Variants in STXBP2 observed in about 807,000 individuals in gnomAD.
STXBP2 encodes syntaxin binding protein 2.
A neutral mutation model predicts 72.2 loss-of-function variants in STXBP2; 47 were observed. The observed-to-expected ratio is 0.65, with a 90% CI of 0.51 to 0.83. STXBP2 has a LOEUF of 0.83. Among genes scored for constraint, STXBP2 ranks in the 40% least tolerant of loss-of-function variants. The probability of loss-of-function intolerance (pLI) is 0.00; values close to 1 mark genes in which losing one functional copy is unlikely to be tolerated. For synonymous variants in STXBP2, 367 were observed against 338.7 expected (o/e 1.08, Z -0.92); for missense variants, 702 against 807.6 (o/e 0.87, Z 1.58).
At chr19:7,647,003 G>A in intron 16 of STXBP2, 159 bp from the exon 17 acceptor site, 2 of 671,582 alleles carry the variant, frequency 3.0e-6, no homozygotes, top group South Asian at 1.8e-5. Context: ...GGTCCCCAAT[G>A]GACTAGAGGC....
At chr19:7,632,997 C>G (rs901977333), upstream of STXBP2, 14 of 1,423,924 alleles carry the variant, frequency 9.8e-6, no homozygotes, top group African/African-American at 1.5e-5. The surrounding 1 kb of genome is among the most constrained non-coding windows in gnomAD (Gnocchi z 5.2). Flanking sequence ...CTGAATGAGA[C>G]ATGAGTCTCC....
intron 4 of STXBP2, chr19:7,640,463 C>T (rs1488471260): frequency 4.8e-6 from 3 of 626,584 alleles, no homozygotes; most frequent in South Asian, 4.7e-5. Flanking sequence ...TATGTGTGTG[C>T]ATCTCTGTGT....
chr19:7,641,645 AGC>A (rs2031879651), intron 6 of STXBP2, 58 bp from the exon 7 acceptor site: 2 of 1,548,100 alleles, frequency 1.3e-6, no homozygotes, highest in Non-Finnish European at 1.7e-6. Flanking sequence ...GGCAGCGGGA[AGC>A]GGGGCAGGTG....
chr19:7,646,675 G>T, intron 16 of STXBP2: 1 of 444,792 alleles, frequency 2.2e-6, no homozygotes, highest in Non-Finnish European at 4.1e-6. Context: ...CCATCCAATG[G>T]CAATGGGCCT....
chr19:7,633,382 T>C, upstream of STXBP2: 3 of 1,550,144 alleles, frequency 1.9e-6, no homozygotes, highest in Non-Finnish European at 2.6e-6. Flanking sequence ...GAGCTGGGGG[T>C]GGGGTGGGGG....
intron 16 of STXBP2, 193 bp from the exon 17 acceptor site, chr19:7,646,969 G>C (rs1481453097): frequency 1.6e-6 from 1 of 612,644 alleles, no homozygotes; most frequent in African/African-American, 1.8e-5. Flanking sequence ...TGGGTCCCCA[G>C]TGAGTTATGG....
intron 16 of STXBP2, chr19:7,646,650 G>A (rs1266296126): frequency 1.2e-5 from 6 of 489,294 alleles, no homozygotes; most frequent in African/African-American, 9.7e-5. Flanking sequence ...GCCTTCCCAG[G>A]ATCCCAGGGC....
chr19:7,645,362 G>T (rs578069764), intron 15 of STXBP2, 56 bp downstream of exon 15: 3 of 1,497,384 alleles, frequency 2.0e-6, no homozygotes, highest in African/African-American at 2.8e-5. Context: ...TCACAGCCGG[G>T]GCTCTGCAAG....
At position 7,647,780 on chromosome 19, in the gene STXBP2, C is replaced by T. The variant is rs1435733361; in HGVS notation, c.1752C>T (p.Asp584=). The change falls in exon 19 of 19, where the codon GAC becomes GAT. Residue 584 remains aspartate (D), a synonymous_variant. Coordinates refer to ENST00000221283, the MANE Select transcript of STXBP2 (RefSeq NM_006949.4). The part of the protein sequence containing the change: ...TRFLDDLKAL[D]KKLEDIALP ...TCCTGGATGACCTGAAGGCACTGGACAAGAAGCTGGAGGACATTGCCCTGC... is the reference window on the plus strand; with the variant it reads ...TCCTGGATGACCTGAAGGCACTGGATAAGAAGCTGGAGGACATTGCCCTGC... The T allele has an allele frequency of 1.9e-6, 3 of 1,614,108 alleles. No individual in the cohort carries two copies. Among genetic ancestry groups the T allele is most frequent in the South Asian group, 2.2e-5 (2 of 91,080 alleles).
At chr19:7,630,541 G>T in the STXBP2 span, 18 of 1,492,270 alleles carry the variant, frequency 1.2e-5, no homozygotes, top group African/African-American at 8.3e-5. Flanking sequence ...TGCTTGGGGG[G>T]AGCTCACCTC....
upstream of STXBP2, among the ~76,000 whole-genome samples, chr19:7,634,977 C>T (rs1029780765): frequency 6.6e-6 from 1 of 152,208 alleles, no homozygotes; most frequent in Non-Finnish European, 1.5e-5. Context: ...ACAAGGACAC[C>T]AGTGATATTG....
In STXBP2 at chr19:7,646,285, C is replaced by A; in HGVS notation, c.1393C>A (p.Arg465Ser). ...CTCCAGCCGGCTGGAGCCGAGAGAA[C>A]GCATGGAGCCCACCTATCAGCTGTC... is the stretch of plus-strand genomic sequence containing the variant. ...GTSSRLEPRE[R>S]MEPTYQLSRW... Residue 465 changes from arginine to serine, a missense_variant, in exon 16 of 19, where the codon CGC becomes AGC. Coordinates refer to ENST00000221283, the MANE Select transcript of STXBP2 (RefSeq NM_006949.4). The A allele has an allele frequency of 2.5e-6, 4 of 1,611,300 alleles. No individual in the cohort carries two copies. The highest frequency in any genetic ancestry group is 1.7e-5 in the Admixed American group (1 of 59,528).
the STXBP2 span, chr19:7,631,872 A>G: frequency 7.3e-7 from 1 of 1,361,266 alleles, no homozygotes; most frequent in African/African-American, 1.5e-5. Context: ...CAGGTGGCGA[A>G]CAATGGAGAG....
chr19:7,642,870 C>T lies in STXBP2; in HGVS notation c.960+47C>T, dbSNP rs1202409925. The T allele has an allele frequency of 6.2e-7, 1 of 1,613,602 alleles. No homozygotes were observed. The highest frequency in any genetic ancestry group is 8.5e-7 in the Non-Finnish European group (1 of 1,179,520). ...CAAAGGCGCTGGTGGAAGGAAGCCCCCCTCCCCATGGGCGCAGGGCCACAG... is the reference window on the plus strand; with the variant it reads ...CAAAGGCGCTGGTGGAAGGAAGCCCTCCTCCCCATGGGCGCAGGGCCACAG... On this transcript the variant is annotated intron_variant, in intron 11 of 18. Transcript: ENST00000221283. The surrounding 1 kb of genome is among the most constrained non-coding windows in gnomAD (Gnocchi z 6.0).
chr19:7,645,463 G>A (rs2032096309), intron 15 of STXBP2, 157 bp downstream of exon 15: 1 of 668,074 alleles, frequency 1.5e-6, no homozygotes. Flanking sequence ...TCTGGTCTGG[G>A]GCCCAGAGGA....
Position 7,646,288 on chromosome 19 carries a change from A to G in STXBP2, c.1396A>G (p.Met466Val). 5 of 1,611,564 alleles carry G rather than the reference A, an allele frequency of 3.1e-6. No individual in the cohort carries two copies. The highest frequency in any genetic ancestry group is 4.2e-6 in the Non-Finnish European group (5 of 1,179,236). ...TSSRLEPRERMEPTYQLSRWT... is the reference protein window; with the variant it reads ...TSSRLEPRERVEPTYQLSRWT... ...CAGCCGGCTGGAGCCGAGAGAACGC[A>G]TGGAGCCCACCTATCAGCTGTCCCG... is the stretch of plus-strand genomic sequence containing the variant. Residue 466 changes from methionine (M) to valine (V), a missense_variant, in exon 16 of 19, where the codon ATG becomes GTG. Transcript: ENST00000221283.
intron 18 of STXBP2, 40 bp downstream of exon 18, chr19:7,647,551 G>T: frequency 6.4e-7 from 1 of 1,570,412 alleles, no homozygotes; most frequent in Non-Finnish European, 8.6e-7. Flanking sequence ...CTGGGGCTTG[G>T]GTTCCCGGGG....
At chr19:7,640,845 G>T in intron 5 of STXBP2, 36 bp downstream of exon 5, 1 of 1,613,932 alleles carries the variant, frequency 6.2e-7, no homozygotes. Context: ...GGTGGGTGGG[G>T]CAAGGAGGTG....
intron 15 of STXBP2, chr19:7,645,882 G>T: frequency 8.0e-6 from 3 of 373,930 alleles, no homozygotes; most frequent in Admixed American, 4.8e-5. Flanking sequence ...TCTCTGTCTT[G>T]CTCCCCTCCC....
Sources: gnomAD v4.1 joint callset for allele counts (sites outside exome capture counted in the v4.1 genomes callset) on GRCh38, gnomAD v4.1.1 for gene constraint, Gnocchi (gnomAD v3.1) non-coding constraint, MANE v1.5 for transcripts, NCBI Gene and HGNC (gene_info 2026-07-23, HGNC 2026-07-21) for gene names.